Variants in KLHL13 observed in about 807,000 individuals in gnomAD.
KLHL13 encodes the protein kelch-like protein 13.
Under a neutral mutation model 37.1 loss-of-function variants are expected in KLHL13, and 10 were observed. That is an observed-to-expected ratio of 0.27 (90% CI 0.17 to 0.46). The LOEUF (loss-of-function observed/expected upper bound fraction) is 0.46. Ranked by LOEUF, KLHL13 falls within the 20% of genes least tolerant of loss-of-function variation. KLHL13 has a pLI of 1.00. For missense variants in KLHL13, 360 were observed against 509.3 expected (o/e 0.71, Z 2.82); for synonymous variants, 163 against 181.2 (o/e 0.90, Z 0.81).
intron 1 of KLHL13, among the ~76,000 whole-genome samples, chrX:118,111,887 G>A (rs1248958870): frequency 9.0e-6 from 1 of 111,710 alleles, no homozygotes; most frequent in African/African-American, 3.3e-5. Flanking sequence ...GTGAGAGAGC[G>A]AGACTCCGTC....
intron 1 of KLHL13, among the ~76,000 whole-genome samples, chrX:118,016,308 T>A (rs2054128171): frequency 9.0e-6 from 1 of 111,491 alleles, no homozygotes; most frequent in African/African-American, 3.3e-5. Flanking sequence ...AAGACATGAT[T>A]ATACATTACG....
chrX:118,050,613 T>C (rs182837520), intron 1 of KLHL13, among the ~76,000 whole-genome samples: 1 of 111,451 alleles, frequency 9.0e-6, no homozygotes, highest in East Asian at 2.8e-4. Flanking sequence ...TCTGATTTAC[T>C]TTTTCCTTAT....
intron 2 of KLHL13, among the ~76,000 whole-genome samples, chrX:117,932,429 T>C (rs1260553202): frequency 4.5e-5 from 5 of 111,318 alleles, no homozygotes; most frequent in African/African-American, 1.6e-4. Flanking sequence ...AGTGAGAACA[T>C]GCAGTATTTC....
In KLHL13 at chrX:117,964,944, T is replaced by C. The variant is rs191296380; in HGVS notation, c.98+7787A>G. 9.3e-3 allele frequency among the ~76,000 whole-genome samples: 1,037 copies of C among 111,913 alleles called. 17 individuals carry two copies. Among genetic ancestry groups the C allele is most frequent in the African/African-American group, 0.031 (961 of 30,642 alleles). ...ATCATTTTTTATGGCTGCATAGTAT[T>C]CCATGGTGTATATGTGCCACATTTT... is the stretch of plus-strand genomic sequence containing the variant. On this transcript the variant is annotated intron_variant, in intron 1 of 6. Coordinates refer to ENST00000262820, the Ensembl canonical transcript of KLHL13.
At chrX:117,968,763 A>G (rs2053477890) in intron 1 of KLHL13, among the ~76,000 whole-genome samples, 1 of 111,811 alleles carries the variant, frequency 8.9e-6, no homozygotes, top group African/African-American at 3.2e-5. Flanking sequence ...GATTTCTGTA[A>G]CCACAAAGTT....
intron 1 of KLHL13, among the ~76,000 whole-genome samples, chrX:118,033,855 G>A (rs1345143045): frequency 2.8e-5 from 3 of 106,988 alleles, no homozygotes; most frequent in Middle Eastern, 4.7e-3. Context: ...CATCTCACGT[G>A]CAGAGACACA....
chrX:118,009,631 C>T (rs1351139381), intron 1 of KLHL13, among the ~76,000 whole-genome samples: 19 of 25,320 alleles, frequency 7.5e-4, no homozygotes, highest in Non-Finnish European at 1.2e-3. Context: ...GGTACCAGTA[C>T]CATGCTGTTT....
intron 1 of KLHL13, among the ~76,000 whole-genome samples, chrX:118,059,128 T>C (rs1055716856): frequency 8.9e-6 from 1 of 111,827 alleles, no homozygotes; most frequent in African/African-American, 3.2e-5. Flanking sequence ...GATCATATAT[T>C]GTAGAAGCAA....
chrX:117,960,506 T>C (rs184241314), intron 1 of KLHL13, among the ~76,000 whole-genome samples: 69 of 112,131 alleles, frequency 6.2e-4, no homozygotes, highest in African/African-American at 2.1e-3. Flanking sequence ...ATTTGCCCCC[T>C]GCACCTGCCA....
At chrX:118,109,887 A>G (rs1304460484) in intron 1 of KLHL13, among the ~76,000 whole-genome samples, 1 of 111,886 alleles carries the variant, frequency 8.9e-6, no homozygotes, top group Non-Finnish European at 1.9e-5. Context: ...AAGGAAAAAA[A>G]AACAGGCCAG....
intron 1 of KLHL13, among the ~76,000 whole-genome samples, chrX:118,111,615 G>A (rs988829899): frequency 3.6e-5 from 4 of 112,469 alleles, no homozygotes; most frequent in African/African-American, 9.7e-5. Flanking sequence ...AAGTTAGGCC[G>A]GGAGCAGTGG....
chrX:118,096,049 G>C (rs1185163635), intron 1 of KLHL13, among the ~76,000 whole-genome samples: 3 of 111,986 alleles, frequency 2.7e-5, no homozygotes, highest in African/African-American at 9.7e-5. Context: ...ACATTCAAAA[G>C]CTAGCAGAAG....
At chrX:118,103,936 T>C (rs2055316698) in intron 1 of KLHL13, among the ~76,000 whole-genome samples, 1 of 107,900 alleles carries the variant, frequency 9.3e-6, no homozygotes, top group South Asian at 4.1e-4. Context: ...TTCAGCCACA[T>C]GCAGTCGCTC....
At chrX:117,912,135 T>C (rs1931033495) in intron 4 of KLHL13, among the ~76,000 whole-genome samples, 1 of 111,642 alleles carries the variant, frequency 9.0e-6, no homozygotes, top group African/African-American at 3.2e-5. Context: ...TGGAAGGAAT[T>C]TGAGGTCATG....
chrX:117,973,634 C>T, exon 1 of KLHL13: 1 of 873,510 alleles, frequency 1.1e-6, no homozygotes, highest in Non-Finnish European at 1.4e-6. Context: ...ATTCTTATTT[C>T]CAAGCTGAGA....
intron 1 of KLHL13, among the ~76,000 whole-genome samples, chrX:118,007,227 T>C (rs2465939): frequency 0.021 from 2,299 of 108,891 alleles, 74 homozygotes; most frequent in African/African-American, 0.071. Flanking sequence ...CTGGTGAACA[T>C]AGCGAGACCC....
intron 2 of KLHL13, among the ~76,000 whole-genome samples, chrX:117,939,906 A>G: frequency 9.0e-6 from 1 of 111,505 alleles, no homozygotes; most frequent in Middle Eastern, 4.6e-3. Context: ...GTACACTCTG[A>G]TGATAGTTTC....
chrX:117,913,848 G>GAAAAAAAAAAAAAAAAA (rs1201645166), intron 4 of KLHL13, among the ~76,000 whole-genome samples: 1 of 57,385 alleles, frequency 1.7e-5, no homozygotes, highest in African/African-American at 6.3e-5. Flanking sequence ...TCAAAAAAAA[G>GAAAAAAAAAAAAAAAAA]AAAAAAAAAA....
Position 118,088,361 on chromosome X carries a change from A to C in KLHL13, c.-56+28147T>G, listed in dbSNP as rs372921524. On this transcript the variant is annotated intron_variant, in intron 1 of 6. Transcript: ENST00000371882. ...AATCATTACTTAAGCATTATATATA[A>C]TACATTACTGAATTCAGTATGATAC... Among the ~76,000 whole-genome samples, 11 of 112,117 alleles carry C rather than the reference A, an allele frequency of 9.8e-5. No individual in the cohort carries two copies. The East Asian group carries it at 2.2e-3, about 23-fold the overall frequency.
Sources: allele counts gnomAD v4.1 joint callset (sites outside exome capture counted in the v4.1 genomes callset), GRCh38; gene constraint gnomAD v4.1.1; transcripts MANE v1.5; gene names NCBI Gene and HGNC (gene_info 2026-07-23, HGNC 2026-07-21).